Variants in CLVS1 observed in about 807,000 individuals in gnomAD.
The protein encoded by CLVS1 is clavesin 1.
Under a neutral mutation model 33.1 loss-of-function variants are expected in CLVS1, and 10 were observed. The observed-to-expected ratio is 0.30, with a 90% CI of 0.19 to 0.51. CLVS1 has a LOEUF of 0.51. CLVS1 is among the 20% of genes least tolerant of loss of function. The pLI is 0.97. For synonymous variants in CLVS1, 163 were observed against 166.1 expected (o/e 0.98, Z 0.14); for missense variants, 343 against 433.4 (o/e 0.79, Z 1.85).
chr8:61,247,903 T>C (rs968659929), intron 2 of CLVS1, among the ~76,000 whole-genome samples: 27 of 152,196 alleles, frequency 1.8e-4, no homozygotes, highest in Admixed American at 1.7e-3. Flanking sequence ...CTTCCAGGGT[T>C]TTTAACATTT....
intron 3 of CLVS1, among the ~76,000 whole-genome samples, chr8:61,444,768 T>A (rs1426692958): frequency 6.6e-6 from 1 of 152,216 alleles, no homozygotes; most frequent in East Asian, 1.9e-4. Flanking sequence ...AGGCTGGGAA[T>A]GAAGTCTCAG....
chr8:60,968,597 A>G, the CLVS1 span, among the ~76,000 whole-genome samples: 1 of 152,004 alleles, frequency 6.6e-6, no homozygotes, highest in African/African-American at 2.4e-5. Flanking sequence ...TATGTTTGTT[A>G]GGAAAACTGG....
chr8:61,128,399 A>G (rs989150517), intron 1 of CLVS1, among the ~76,000 whole-genome samples: 3 of 152,252 alleles, frequency 2.0e-5, no homozygotes, highest in Admixed American at 6.5e-5. Context: ...AGATGGGTCT[A>G]TTCAGTTGAT....
chr8:60,992,877 G>A, the CLVS1 span, among the ~76,000 whole-genome samples: 2 of 152,232 alleles, frequency 1.3e-5, no homozygotes, highest in African/African-American at 4.8e-5. Flanking sequence ...TGAAGGAAGG[G>A]GAGGTGGTCT....
chr8:61,068,229 GTATATATA>G (rs201671807), intron 1 of CLVS1, among the ~76,000 whole-genome samples: 2 of 101,004 alleles, frequency 2.0e-5, no homozygotes, highest in Non-Finnish European at 4.3e-5. Flanking sequence ...GTATGTATGT[GTATATATA>G]TATATATATA....
At chr8:61,280,171 T>C (rs957853865) in intron 2 of CLVS1, among the ~76,000 whole-genome samples, 4 of 152,218 alleles carry the variant, frequency 2.6e-5, no homozygotes, top group Admixed American at 6.5e-5. Flanking sequence ...GAATTCAAAA[T>C]GATGTCGAAT....
At chr8:61,380,812 G>A (rs1813845222) in intron 3 of CLVS1, among the ~76,000 whole-genome samples, 1 of 152,016 alleles carries the variant, frequency 6.6e-6, no homozygotes, top group African/African-American at 2.4e-5. Context: ...TCAATTTTTG[G>A]AATTATTTTT....
At chr8:61,057,490 T>C (rs1804499194) in intron 1 of CLVS1, among the ~76,000 whole-genome samples, 1 of 152,104 alleles carries the variant, frequency 6.6e-6, no homozygotes, top group Non-Finnish European at 1.5e-5. Context: ...CCTGAGTACA[T>C]GTTGGAGGAA....
intron 2 of CLVS1, among the ~76,000 whole-genome samples, chr8:61,185,517 A>G (rs1401895839): frequency 1.3e-5 from 2 of 152,030 alleles, no homozygotes; most frequent in Non-Finnish European, 2.9e-5. Context: ...TATTTTTTAC[A>G]TTATCTTCTA....
chr8:61,384,472 GA>G (rs1311317721), intron 3 of CLVS1, among the ~76,000 whole-genome samples: 1 of 152,208 alleles, frequency 6.6e-6, no homozygotes, highest in Non-Finnish European at 1.5e-5. Flanking sequence ...CACATAGGAA[GA>G]AAGATAAGGC....
chr8:61,053,911 G>C (rs1170075529), upstream of CLVS1, among the ~76,000 whole-genome samples: 1 of 152,184 alleles, frequency 6.6e-6, no homozygotes, highest in Non-Finnish European at 1.5e-5. Context: ...CCTGACAATA[G>C]CATTTGAGGC....
chr8:61,403,728 T>C (rs2129603665), intron 3 of CLVS1, among the ~76,000 whole-genome samples: 1 of 152,100 alleles, frequency 6.6e-6, no homozygotes, highest in Non-Finnish European at 1.5e-5. Flanking sequence ...AGATCAGGAG[T>C]TCAGTTTTGC....
At chr8:61,457,334 A>T (rs1012735879) in intron 4 of CLVS1, among the ~76,000 whole-genome samples, 1 of 152,186 alleles carries the variant, frequency 6.6e-6, no homozygotes, top group Non-Finnish European at 1.5e-5. Flanking sequence ...TGTGTTACAC[A>T]TAATTACTTT....
intron 2 of CLVS1, among the ~76,000 whole-genome samples, chr8:61,134,562 T>C (rs1204421905): frequency 6.6e-6 from 1 of 152,246 alleles, no homozygotes; most frequent in African/African-American, 2.4e-5. Context: ...CTGGAGGCTC[T>C]AGGGGAGAAT....
intron 5 of CLVS1, among the ~76,000 whole-genome samples, chr8:61,463,588 C>T (rs1344746078): frequency 2.0e-5 from 3 of 152,116 alleles, no homozygotes; most frequent in African/African-American, 7.2e-5. Flanking sequence ...CAAGGAATAG[C>T]GAGGCCCAAG....
rs1809914971 is a variant in CLVS1, at chr8:61,289,746, A to G, written c.-152+1608A>G. Among the ~76,000 whole-genome samples the G allele has an allele frequency of 2.0e-5, 3 of 152,190 alleles. No individual in the cohort carries two copies. The South Asian group carries it at 6.2e-4, about 31-fold the overall frequency. On this transcript the variant is annotated intron_variant, in intron 1 of 5. Coordinates refer to ENST00000325897, the MANE Select transcript of CLVS1 (RefSeq NM_173519.3). ...ACCATTAGAGGCATTGTCGAAAATA[A>G]AGACAGTCACAAATATGTATCTTGC...
At chr8:61,063,047 T>C (rs1804609081) in intron 1 of CLVS1, among the ~76,000 whole-genome samples, 1 of 152,132 alleles carries the variant, frequency 6.6e-6, no homozygotes, top group African/African-American at 2.4e-5. Context: ...TCCCATTGTT[T>C]GAAAGATAAA....
intron 2 of CLVS1, among the ~76,000 whole-genome samples, chr8:61,315,877 C>T (rs1232290081): frequency 2.0e-5 from 3 of 152,168 alleles, no homozygotes; most frequent in Non-Finnish European, 4.4e-5. Flanking sequence ...TATCCCTCCC[C>T]TAGCCCCCAA....
At chr8:61,158,579 G>T (rs1461655923) in intron 2 of CLVS1, among the ~76,000 whole-genome samples, 1 of 152,040 alleles carries the variant, frequency 6.6e-6, no homozygotes. Flanking sequence ...ATAATGAGGG[G>T]GCTCAGGTGG....
Sources: gnomAD v4.1 joint callset for allele counts (sites outside exome capture counted in the v4.1 genomes callset) on GRCh38, gnomAD v4.1.1 for gene constraint, MANE v1.5 for transcripts, NCBI Gene and HGNC (gene_info 2026-07-23, HGNC 2026-07-21) for gene names.